Variants in ASTN2 observed in about 807,000 individuals in gnomAD.
ASTN2 encodes the protein astrotactin 2.
A neutral mutation model predicts 139.8 loss-of-function variants in ASTN2; 54 were observed. The ratio of observed to expected loss-of-function variants is 0.39; its 90% CI spans 0.31 to 0.48. The LOEUF is 0.48. Among genes scored for constraint, ASTN2 ranks in the 20% least tolerant of loss-of-function variants. The pLI is 0.95. For synonymous variants in ASTN2, 756 were observed against 719.5 expected (o/e 1.05, Z -0.81); for missense variants, 1,565 against 1,725.1 (o/e 0.91, Z 1.64).
intron 5 of ASTN2, among the ~76,000 whole-genome samples, chr9:117,072,451 T>A (rs564222291): frequency 3.3e-5 from 5 of 152,314 alleles, no homozygotes; most frequent in African/African-American, 1.2e-4. Context: ...GATGCGAACA[T>A]CTTGCAGTCT....
intron 12 of ASTN2, among the ~76,000 whole-genome samples, chr9:116,819,153 A>T (rs564246784): frequency 6.6e-6 from 1 of 152,118 alleles, no homozygotes; most frequent in South Asian, 2.1e-4. Flanking sequence ...TCTGATGTCA[A>T]AATCCATTAT....
At chr9:116,663,475 T>TTTTAACAAAATGTTAAACAAAATG (rs1858681840) in intron 16 of ASTN2, among the ~76,000 whole-genome samples, 4 of 152,156 alleles carry the variant, frequency 2.6e-5, no homozygotes, top group Admixed American at 2.6e-4. Context: ...TTCTAACTAT[T>TTTTAACAAAATGTTAAACAAAATG]TTTAACAAAA....
chr9:117,333,007 A>C (rs372967712), intron 1 of ASTN2, among the ~76,000 whole-genome samples: 3 of 152,170 alleles, frequency 2.0e-5, no homozygotes, highest in African/African-American at 7.2e-5. Context: ...GTTGATAGTT[A>C]GATTATGGGG....
At chr9:117,223,515 G>A (rs1832598156) in intron 2 of ASTN2, among the ~76,000 whole-genome samples, 1 of 152,154 alleles carries the variant, frequency 6.6e-6, no homozygotes, top group South Asian at 2.1e-4. Flanking sequence ...TGGTGGGGAA[G>A]GGGGTGTCAA....
chr9:116,481,986 TC>T (rs1310682681), intron 20 of ASTN2, among the ~76,000 whole-genome samples: 1 of 152,130 alleles, frequency 6.6e-6, no homozygotes, highest in Non-Finnish European at 1.5e-5. Flanking sequence ...AAATGATCAC[TC>T]CCTTAAGCTC....
At chr9:117,136,733 A>T (rs1829960678) in intron 4 of ASTN2, among the ~76,000 whole-genome samples, 1 of 152,188 alleles carries the variant, frequency 6.6e-6, no homozygotes, top group African/African-American at 2.4e-5. Context: ...GGGAAGATGG[A>T]TTTATGAGAC....
chr9:116,481,724 T>C lies in ASTN2; in HGVS notation c.3497+5635A>G, dbSNP rs78692054. ...AGACTGATTATCTCCATTTTAGGAA[T>C]GAGAAGGATGAGGTGTGAAGTACCC... On this transcript the variant is annotated intron_variant, in intron 20 of 22. Transcript: ENST00000313400. Among the ~76,000 whole-genome samples, 3 of 152,328 alleles carry C rather than the reference T, an allele frequency of 2.0e-5. No individual in the cohort carries two copies. In the East Asian group the frequency reaches 5.8e-4, roughly 29 times the overall value.
At chr9:117,103,616 C>T (rs1298107918) in intron 4 of ASTN2, among the ~76,000 whole-genome samples, 4 of 152,180 alleles carry the variant, frequency 2.6e-5, no homozygotes, top group African/African-American at 9.7e-5. Flanking sequence ...CAGGCCCAGC[C>T]CTCCACACTC....
rs1165772522 is a variant in ASTN2, at chr9:116,699,252, G to T, written c.2806+26519C>A. ...TTTCACAGTTGATCGAGGATCAGGG[G>T]TGGTCAAATACAGCTGCCTATGTAG... On this transcript the variant is annotated intron_variant, in intron 16 of 22. Transcript: ENST00000313400. The surrounding 1 kb of genome is among the most constrained non-coding windows in gnomAD (Gnocchi z 4.2). 1 of 1,614,246 alleles carries T rather than the reference G, an allele frequency of 6.2e-7. No individual in the cohort carries two copies. Among genetic ancestry groups the T allele is most frequent in the South Asian group, 1.1e-5 (1 of 91,090 alleles).
At chr9:117,370,701 G>A (rs1234028441) in intron 1 of ASTN2, among the ~76,000 whole-genome samples, 1 of 145,986 alleles carries the variant, frequency 6.8e-6, no homozygotes, top group African/African-American at 2.4e-5. Context: ...ACCCCCACAT[G>A]TCAAACTCTT....
chr9:116,924,756 T>A (rs1834709723), intron 10 of ASTN2, among the ~76,000 whole-genome samples: 1 of 152,172 alleles, frequency 6.6e-6, no homozygotes, highest in African/African-American at 2.4e-5. Context: ...TGTGGCCATC[T>A]TGGTTTTGGT....
At chr9:116,913,438 C>T (rs1025914894) in intron 10 of ASTN2, among the ~76,000 whole-genome samples, 45 of 152,206 alleles carry the variant, frequency 3.0e-4, no homozygotes, top group Admixed American at 6.5e-5. Context: ...TGAGCCATTT[C>T]CACAAGAACT....
intron 1 of ASTN2, among the ~76,000 whole-genome samples, chr9:117,367,720 T>A (rs59961807): frequency 0.069 from 10,395 of 150,864 alleles, 658 homozygotes; most frequent in East Asian, 0.19. Context: ...ATTATGTGAC[T>A]TAATCAGGTT....
At chr9:116,594,374 C>T (rs1854485429) in intron 19 of ASTN2, among the ~76,000 whole-genome samples, 1 of 152,232 alleles carries the variant, frequency 6.6e-6, no homozygotes, top group African/African-American at 2.4e-5. Flanking sequence ...CTAGACCTGT[C>T]TCTGGAATTT....
At chr9:116,950,009 T>G (rs1447756143) in intron 10 of ASTN2, among the ~76,000 whole-genome samples, 1 of 152,206 alleles carries the variant, frequency 6.6e-6, no homozygotes, top group Non-Finnish European at 1.5e-5. Context: ...TGATTGTTAT[T>G]TCAGTATCAG....
chr9:116,759,250 T>A (rs2132165631), intron 13 of ASTN2, among the ~76,000 whole-genome samples: 1 of 152,304 alleles, frequency 6.6e-6, no homozygotes, highest in South Asian at 2.1e-4. Context: ...GATAAATGGA[T>A]GACTGAAGCA....
intron 10 of ASTN2, among the ~76,000 whole-genome samples, chr9:116,866,227 A>G (rs1273458327): frequency 6.6e-5 from 10 of 152,234 alleles, no homozygotes; most frequent in Admixed American, 5.9e-4. Flanking sequence ...AACATTTTCA[A>G]ATGAAACACA....
At chr9:117,364,744 T>C (rs1829787737) in intron 1 of ASTN2, among the ~76,000 whole-genome samples, 1 of 151,966 alleles carries the variant, frequency 6.6e-6, no homozygotes, top group African/African-American at 2.4e-5. Flanking sequence ...ACGAAGTCTA[T>C]CAGGAACCAT....
intron 13 of ASTN2, among the ~76,000 whole-genome samples, chr9:116,754,590 C>T (rs1002442746): frequency 3.9e-5 from 6 of 152,032 alleles, no homozygotes; most frequent in African/African-American, 1.4e-4. Context: ...GTTTATGGTT[C>T]CTTGGGTATT....
Sources: gnomAD v4.1 joint callset for allele counts (sites outside exome capture counted in the v4.1 genomes callset) on GRCh38, gnomAD v4.1.1 for gene constraint, Gnocchi (gnomAD v3.1) non-coding constraint, MANE v1.5 for transcripts, NCBI Gene and HGNC (gene_info 2026-07-23, HGNC 2026-07-21) for gene names.